The following SH3KBP1 variants were observed in gnomAD, a reference collection of about 807,000 sequenced individuals.
The protein encoded by SH3KBP1 is SH3 domain-containing kinase-binding protein 1.
SH3KBP1 carries 8 observed loss-of-function variants against 50.1 expected under a neutral mutation model. That is an observed-to-expected ratio of 0.16 (90% confidence interval 0.09 to 0.29). SH3KBP1 has a LOEUF of 0.29. SH3KBP1 is among the 10% of genes least tolerant of loss of function. The pLI is 1.00. For missense variants in SH3KBP1, 377 were observed against 535.2 expected (o/e 0.70, Z 2.92); for synonymous variants, 227 against 218.6 (o/e 1.04, Z -0.34).
chrX:19,792,586 C>G (rs927929888), intron 2 of SH3KBP1, among the ~76,000 whole-genome samples: 5 of 110,774 alleles, frequency 4.5e-5, no homozygotes, highest in Non-Finnish European at 7.6e-5. Flanking sequence ...AACAGTTTTT[C>G]TGATGCTTTA....
At chrX:19,722,536 G>GTC (rs1268594820) in intron 3 of SH3KBP1, among the ~76,000 whole-genome samples, 1 of 84,786 alleles carries the variant, frequency 1.2e-5, no homozygotes, top group African/African-American at 3.8e-5. Flanking sequence ...GCACTGGTGT[G>GTC]TGTGTGTGTG....
At chrX:19,708,449 T>G (rs2063702159) in intron 3 of SH3KBP1, among the ~76,000 whole-genome samples, 1 of 111,901 alleles carries the variant, frequency 8.9e-6, no homozygotes, top group African/African-American at 3.3e-5. Flanking sequence ...CTGATGGCAC[T>G]GTCAGCAGGC....
chrX:19,812,232 G>A (rs749348421), intron 2 of SH3KBP1, among the ~76,000 whole-genome samples: 25 of 111,442 alleles, frequency 2.2e-4, no homozygotes, highest in Non-Finnish European at 4.0e-4. Context: ...AGACAGCTAA[G>A]AGCAAAAACG....
chrX:19,867,685 G>A (rs924029237), intron 1 of SH3KBP1, among the ~76,000 whole-genome samples: 1 of 111,138 alleles, frequency 9.0e-6, no homozygotes, highest in African/African-American at 3.3e-5. Context: ...AAAAGGGGCC[G>A]AGGATGGTGC....
intron 12 of SH3KBP1, among the ~76,000 whole-genome samples, chrX:19,572,115 T>C (rs2066028165): frequency 9.1e-6 from 1 of 109,937 alleles, no homozygotes; most frequent in Admixed American, 9.9e-5. Context: ...TATTGTGCAT[T>C]ACTATGCTTT....
intron 3 of SH3KBP1, among the ~76,000 whole-genome samples, chrX:19,717,606 A>G (rs1432719428): frequency 1.8e-5 from 2 of 111,419 alleles, no homozygotes; most frequent in African/African-American, 6.5e-5. Context: ...ACAAAAGTCA[A>G]TGCCATCTGG....
At chrX:19,720,995 C>A (rs1390213805) in intron 3 of SH3KBP1, among the ~76,000 whole-genome samples, 3 of 111,245 alleles carry the variant, frequency 2.7e-5, no homozygotes, top group African/African-American at 9.8e-5. Context: ...TCAAAGAATT[C>A]CACATGTACC....
At chrX:19,597,024 A>G (rs1436324249) in intron 9 of SH3KBP1, among the ~76,000 whole-genome samples, 1 of 111,749 alleles carries the variant, frequency 8.9e-6, no homozygotes, top group Non-Finnish European at 1.9e-5. Flanking sequence ...GGTATCTAGA[A>G]TGGTGAGCCC....
At chrX:19,620,404 C>T (rs1375499199) in intron 8 of SH3KBP1, among the ~76,000 whole-genome samples, 4 of 112,485 alleles carry the variant, frequency 3.6e-5, no homozygotes, top group Non-Finnish European at 7.5e-5. Flanking sequence ...CCAGACAAAT[C>T]CACACTTCTT....
intron 2 of SH3KBP1, among the ~76,000 whole-genome samples, chrX:19,767,596 T>A (rs2065660136): frequency 9.0e-6 from 1 of 110,776 alleles, no homozygotes; most frequent in Non-Finnish European, 1.9e-5. Context: ...ACCAGCCCTG[T>A]CCCACCCTCA....
At chrX:19,760,397 A>AATAC (rs545437176) in intron 2 of SH3KBP1, among the ~76,000 whole-genome samples, 5,717 of 96,555 alleles carry the variant, frequency 0.059, 185 homozygotes, top group East Asian at 0.14. Context: ...AAAATAAATA[A>AATAC]ATACATACAT....
At chrX:19,674,277 T>A (rs2062873485) in intron 6 of SH3KBP1, among the ~76,000 whole-genome samples, 2 of 109,815 alleles carry the variant, frequency 1.8e-5, no homozygotes, top group African/African-American at 6.6e-5. Flanking sequence ...CCTGTCAGGT[T>A]AAAAAAAAAC....
At chrX:19,612,748 C>A (rs1298561805) in intron 8 of SH3KBP1, among the ~76,000 whole-genome samples, 1 of 111,703 alleles carries the variant, frequency 9.0e-6, no homozygotes, top group Non-Finnish European at 1.9e-5. Flanking sequence ...AGCTCAGAGT[C>A]TAGTGGGAGA....
intron 3 of SH3KBP1, among the ~76,000 whole-genome samples, chrX:19,724,805 CTCCCAGACACCT>C (rs1374025102): frequency 2.7e-5 from 3 of 112,224 alleles, no homozygotes; most frequent in Non-Finnish European, 5.6e-5. Flanking sequence ...ATGTGACCCC[CTCCCAGACACCT>C]TCCCTGACTG....
At chrX:19,598,229 TTTTA>T (rs60833421) in intron 9 of SH3KBP1, among the ~76,000 whole-genome samples, 7,952 of 101,834 alleles carry the variant, frequency 0.078, 283 homozygotes, top group Middle Eastern at 0.14. Context: ...GCAAGTCTGT[TTTTA>T]TTTATTTATT....
chrX:19,680,177 C>T (rs771692963), intron 6 of SH3KBP1, among the ~76,000 whole-genome samples: 2 of 110,145 alleles, frequency 1.8e-5, no homozygotes, highest in African/African-American at 6.6e-5. Context: ...GAGTTCAAGA[C>T]CAGCCTGGTC....
In SH3KBP1 at chrX:19,689,825, G is replaced by A. The variant is rs182537965; in HGVS notation, c.520+5787C>T. ...AAACTATCACATCAATTTGCTCATC[G>A]TTCTTCATTGCTAATAGACCATCAT... On this transcript the variant is annotated intron_variant, in intron 5 of 17. Coordinates refer to ENST00000397821, the MANE Select transcript of SH3KBP1 (RefSeq NM_031892.3). 5.4e-5 allele frequency among the ~76,000 whole-genome samples: 6 copies of A among 111,747 alleles called. No individual in the cohort carries two copies. The East Asian group carries it at 1.4e-3, about 26-fold the overall frequency.
rs920874120 is a variant in SH3KBP1 at position 19,707,488 on chromosome X, A to C, written c.287-504T>G. Among the ~76,000 whole-genome samples the C allele has an allele frequency of 1.1e-3, 120 of 111,715 alleles. 2 individuals carry two copies. Among genetic ancestry groups the C allele is most frequent in the African/African-American group, 3.8e-3 (117 of 30,641 alleles). On this transcript the variant is annotated intron_variant, in intron 3 of 17. Coordinates refer to ENST00000397821, the MANE Select transcript of SH3KBP1 (RefSeq NM_031892.3). The stretch of plus-strand genomic sequence containing the variant: ...AACATACGGGAACTCAAGCCTGATA[A>C]GTGAAGGCTGATTAGATTTCAGCCT...
In SH3KBP1 at chrX:19,549,957, T is replaced by C. The variant is rs1339143916; in HGVS notation, c.1494+17A>G. Reference sequence around the variant, plus strand: ...TGTAGAGAAGTAAGGGAACATACAGTTTGAGGAGACACTTACAGATGTGAG... The same window carrying C: ...TGTAGAGAAGTAAGGGAACATACAGCTTGAGGAGACACTTACAGATGTGAG... On this transcript the variant is annotated intron_variant, in intron 14 of 17. Transcript: ENST00000397821. 3.6e-6 allele frequency: 4 copies of C among 1,099,038 alleles called. No individual in the cohort carries two copies. The highest frequency in any genetic ancestry group is 5.0e-6 in the Non-Finnish European group (4 of 795,725). 90.6% of individuals were successfully genotyped at this position (1,099,038 alleles called of 1,213,427 possible). A position where few individuals can be genotyped will look rare whatever the true frequency, so the allele number is the denominator to read the frequency against.
Sources: gnomAD v4.1 joint callset for allele counts (sites outside exome capture counted in the v4.1 genomes callset) on GRCh38, gnomAD v4.1.1 for gene constraint, MANE v1.5 for transcripts, NCBI Gene and HGNC (gene_info 2026-07-23, HGNC 2026-07-21) for gene names.